The following KCNJ4 variants were observed in gnomAD, a reference collection of about 807,000 sequenced individuals.
KCNJ4 encodes the protein potassium inwardly rectifying channel subfamily J member 4.
Under a neutral mutation model 25.6 loss-of-function variants are expected in KCNJ4, and 3 were observed. That is an observed-to-expected ratio of 0.12 (90% CI 0.05 to 0.30). The LOEUF (loss-of-function observed/expected upper bound fraction) is 0.30, where lower values mean the gene tolerates loss of function less well. Among genes scored for constraint, KCNJ4 ranks in the 10% least tolerant of loss-of-function variants. The pLI, the probability that KCNJ4 is intolerant of heterozygous loss-of-function variation, is 1.00. For synonymous variants in KCNJ4, 257 were observed against 283.9 expected (o/e 0.91, Z 0.95); for missense variants, 286 against 666.8 (o/e 0.43, Z 6.29).
At chr22:38,450,188 A>C (rs2089402165) in intron 1 of KCNJ4, among the ~76,000 whole-genome samples, 1 of 152,194 alleles carries the variant, frequency 6.6e-6, no homozygotes, top group African/African-American at 2.4e-5. Context: ...CCCACACCCC[A>C]AGGAGGGCTG....
chr22:38,439,235 C>A (rs2089314697), intron 1 of KCNJ4, among the ~76,000 whole-genome samples: 1 of 151,966 alleles, frequency 6.6e-6, no homozygotes, highest in Admixed American at 6.6e-5. Context: ...AGATCAAGAC[C>A]AGCCTGGCCA....
At chr22:38,429,320 T>G (rs1681174517) in intron 1 of KCNJ4, among the ~76,000 whole-genome samples, 1 of 152,146 alleles carries the variant, frequency 6.6e-6, no homozygotes, top group African/African-American at 2.4e-5. Context: ...GACATCGCTA[T>G]TCCCATGTCC....
At chr22:38,448,000 G>A (rs2089386413) in intron 1 of KCNJ4, among the ~76,000 whole-genome samples, 1 of 149,286 alleles carries the variant, frequency 6.7e-6, no homozygotes, top group Admixed American at 6.7e-5. Context: ...GGAGGGGGAG[G>A]TTGCAGTGAG....
At chr22:38,430,169 G>A (rs1275246341) in intron 1 of KCNJ4, among the ~76,000 whole-genome samples, 1 of 152,190 alleles carries the variant, frequency 6.6e-6, no homozygotes, top group East Asian at 1.9e-4. Context: ...TGTGACTTGG[G>A]CGAGCTGTTG....
chr22:38,433,356 G>A (rs2093055877), intron 1 of KCNJ4, among the ~76,000 whole-genome samples: 2 of 152,238 alleles, frequency 1.3e-5, no homozygotes, highest in East Asian at 1.9e-4. Context: ...TGAGGCAGGA[G>A]AATCACTTGA....
intron 1 of KCNJ4, among the ~76,000 whole-genome samples, chr22:38,447,008 G>A (rs1462140869): frequency 1.3e-5 from 2 of 151,284 alleles, no homozygotes; most frequent in South Asian, 4.1e-4. Context: ...GGGGCAGGGG[G>A]TAAAGGCTCA....
chr22:38,445,179 G>A (rs1242984114), intron 1 of KCNJ4, among the ~76,000 whole-genome samples: 1 of 152,112 alleles, frequency 6.6e-6, no homozygotes, highest in Admixed American at 6.5e-5. Flanking sequence ...GCGGAAAGCA[G>A]GGAATTTGGC....
At chr22:38,454,244 C>T (rs2089425428) in intron 1 of KCNJ4, among the ~76,000 whole-genome samples, 1 of 152,228 alleles carries the variant, frequency 6.6e-6, no homozygotes, top group African/African-American at 2.4e-5. Flanking sequence ...CACCTCCCAA[C>T]TCCCTGCATC....
chr22:38,440,047 C>T (rs2089321991), intron 1 of KCNJ4, among the ~76,000 whole-genome samples: 1 of 148,074 alleles, frequency 6.8e-6, no homozygotes, highest in Admixed American at 6.8e-5. Flanking sequence ...GCTGAGATCG[C>T]GCCACTGCAC....
chr22:38,450,916 GA>G, intron 1 of KCNJ4, among the ~76,000 whole-genome samples: 1 of 152,204 alleles, frequency 6.6e-6, no homozygotes, highest in East Asian at 1.9e-4. Context: ...TTTCCCCAGG[GA>G]AGCCCCAGAG....
At chr22:38,437,389 T>G (rs1300559056) in intron 1 of KCNJ4, among the ~76,000 whole-genome samples, 1 of 152,212 alleles carries the variant, frequency 6.6e-6, no homozygotes, top group Non-Finnish European at 1.5e-5. Flanking sequence ...TGTGCCCATC[T>G]TCCCCACAGG....
Position 38,434,859 on chromosome 22 carries a change from C to A in KCNJ4, c.-39-6688G>T, listed in dbSNP as rs368070604. Among the ~76,000 whole-genome samples the A allele has an allele frequency of 1.1e-3, 163 of 152,326 alleles. 1 individual carries two copies. Among genetic ancestry groups the A allele is most frequent in the African/African-American group, 3.9e-3 (162 of 41,584 alleles). ...ACCTCCCAGCATATCCTCTTTGAACCTCAGTTTTCTCATCTGCAAACTGGA... is the reference window on the plus strand; with the variant it reads ...ACCTCCCAGCATATCCTCTTTGAACATCAGTTTTCTCATCTGCAAACTGGA... On this transcript the variant is annotated intron_variant, in intron 1 of 1. Transcript: ENST00000303592.
At chr22:38,441,657 G>A (rs1339266439) in intron 1 of KCNJ4, among the ~76,000 whole-genome samples, 2 of 152,172 alleles carry the variant, frequency 1.3e-5, no homozygotes, top group Non-Finnish European at 2.9e-5. Context: ...GAAGTGGCGT[G>A]GGAGCAGGGA....
rs2089353452 is a variant in KCNJ4 at position 38,443,671 on chromosome 22, G to C, written c.-40+11309C>G. ...TGCTGTCATCATCATCCCACAGTGG[G>C]CTTGGGAGCTTGCCCAAAGCGGGTG... On this transcript the variant is annotated intron_variant, in intron 1 of 1. Coordinates refer to ENST00000303592, the MANE Select transcript of KCNJ4 (RefSeq NM_152868.3). This position sits in a 1 kb window ranked among gnomAD's most constrained non-coding sequence, Gnocchi z 4.1. 6.6e-6 allele frequency among the ~76,000 whole-genome samples: 1 copy of C among 152,146 alleles called. No individual in the cohort carries two copies. Among genetic ancestry groups the C allele is most frequent in the African/African-American group, 2.4e-5 (1 of 41,434 alleles).
rs1569117455 is a variant in KCNJ4, at chr22:38,426,783, CG to C, written c.*11del. 1 of 1,596,002 alleles carries C rather than the reference CG, an allele frequency of 6.3e-7. No homozygotes were observed. Among genetic ancestry groups the C allele is most frequent in the Non-Finnish European group, 8.6e-7 (1 of 1,169,172 alleles). On this transcript the variant is annotated 3_prime_UTR_variant, in exon 2 of 2. Transcript: ENST00000303592. ...GGCTCTTGTGGGCAGTGGTGAGGGC[CG>C]GGCCTGGAGGTCAGATGGCAGACTC... is the stretch of plus-strand genomic sequence containing the variant.
At chr22:38,430,170 C>T (rs538156891) in intron 1 of KCNJ4, among the ~76,000 whole-genome samples, 12 of 152,288 alleles carry the variant, frequency 7.9e-5, no homozygotes, top group South Asian at 2.1e-4. Context: ...GTGACTTGGG[C>T]GAGCTGTTGA....
At chr22:38,450,570 A>G (rs2089404676) in intron 1 of KCNJ4, among the ~76,000 whole-genome samples, 1 of 152,036 alleles carries the variant, frequency 6.6e-6, no homozygotes. Flanking sequence ...GCCCTCTCTC[A>G]GCCCTCTGCA....
chr22:38,445,061 A>ATGCGTGTGTG (rs374551227), intron 1 of KCNJ4, among the ~76,000 whole-genome samples: 1 of 150,738 alleles, frequency 6.6e-6, no homozygotes, highest in Non-Finnish European at 1.5e-5. Context: ...GTGTGCGTGC[A>ATGCGTGTGTG]TGCGTGTGTG....
At chr22:38,430,930 A>G (rs2093047797) in intron 1 of KCNJ4, among the ~76,000 whole-genome samples, 1 of 152,188 alleles carries the variant, frequency 6.6e-6, no homozygotes, top group Admixed American at 6.5e-5. Context: ...GCCCTGAACA[A>G]GGCCTCACCC....
Sources: allele counts gnomAD v4.1 joint callset (sites outside exome capture counted in the v4.1 genomes callset), GRCh38; gene constraint gnomAD v4.1.1; non-coding constraint Gnocchi (gnomAD v3.1); transcripts MANE v1.5; gene names NCBI Gene and HGNC (gene_info 2026-07-23, HGNC 2026-07-21).